The following EXOSC9 variants were observed in gnomAD, a reference collection of about 807,000 sequenced individuals.
The protein encoded by EXOSC9 is exosome complex component RRP45.
In EXOSC9, 38 loss-of-function variants were observed where a neutral mutation model predicts 56.5. That is an observed-to-expected ratio of 0.67 (90% CI 0.52 to 0.88). The LOEUF is 0.88. Among genes scored for constraint, EXOSC9 ranks in the 40% least tolerant of loss-of-function variants. The pLI is 0.00. For synonymous variants in EXOSC9, 170 were observed against 170.8 expected, an observed-to-expected ratio of 0.99 and a Z score of 0.04; for missense variants, 559 against 530.5, an observed-to-expected ratio of 1.05 and a Z score of -0.53.
intron 9 of EXOSC9, among the ~76,000 whole-genome samples, chr4:121,813,582 GAAA>G (rs896746094): frequency 3.9e-5 from 6 of 152,084 alleles, no homozygotes; most frequent in African/African-American, 1.4e-4. Flanking sequence ...AGTTATCCTG[GAAA>G]AAACAGATTT....
Position 121,810,052 on chromosome 4 carries a change from AT to A in EXOSC9, c.694del (p.Cys232ValfsTer9), listed in dbSNP as rs1200155922. 6.2e-7 allele frequency: 1 copy of A among 1,613,522 alleles called. No individual in the cohort carries two copies. The highest frequency in any genetic ancestry group is 8.5e-7 in the Non-Finnish European group (1 of 1,179,420). On this transcript the variant is annotated frameshift_variant, in exon 7 of 12. Coordinates refer to ENST00000243498, the MANE Select transcript of EXOSC9 (RefSeq NM_005033.3). LOFTEE classifies it high-confidence loss of function. ...GATTGCCATGAACAAACATCGAGAG[AT>A]TTGTACTATCCAGTCCAGTGGTGGG... ...LVIAMNKHRE[I>X]CTIQSSGGIM...
chr4:121,814,026 G>T lies in EXOSC9; in HGVS notation c.1135G>T (p.Val379Phe). 6.2e-7 allele frequency: 1 copy of T among 1,612,682 alleles called. No homozygotes were observed. The highest frequency in any genetic ancestry group is 8.5e-7 in the Non-Finnish European group (1 of 1,179,450). ...TATAAAAATGGACACTGGAGTAGAA[G>T]TCTCTGATATTGGAAGCCAAGGTAG... ...DGIKMDTGVE[V>F]SDIGSQDAPI... Residue 379 changes from valine to phenylalanine, a missense_variant, in exon 10 of 12, where the codon GTC (valine) becomes TTC (phenylalanine). Transcript: ENST00000243498.
At chr4:121,811,528 G>A in intron 7 of EXOSC9, 55 bp from the exon 8 acceptor site, 1 of 1,023,906 alleles carries the variant, frequency 9.8e-7, no homozygotes, top group Non-Finnish European at 1.4e-6. Flanking sequence ...AGTTTCATTA[G>A]AGAAAACTAT....
intron 8 of EXOSC9, among the ~76,000 whole-genome samples, chr4:121,812,313 AT>A (rs1172967387): frequency 6.6e-6 from 1 of 152,032 alleles, no homozygotes; most frequent in South Asian, 2.1e-4. Flanking sequence ...CTTTTAATAT[AT>A]TTTTTTTCTT....
chr4:121,815,888 G>A, intron 10 of EXOSC9: 2 of 1,166,646 alleles, frequency 1.7e-6, no homozygotes, highest in South Asian at 8.7e-5. Context: ...GGAAATAAGA[G>A]TTTAAAGAAA....
Position 121,816,509 on chromosome 4 carries a change from C to T in EXOSC9, c.1235+62C>T. On this transcript the variant is annotated intron_variant, in intron 11 of 11. Coordinates refer to ENST00000243498, the MANE Select transcript of EXOSC9 (RefSeq NM_005033.3). ...TACTCAACACTTATAGAGGTTTGCT[C>T]TCTGGTTTTACTCTCATCTTGCCAC... is the stretch of plus-strand genomic sequence containing the variant. 6 of 1,131,292 alleles carry T rather than the reference C, an allele frequency of 5.3e-6. No individual in the cohort carries two copies. In the South Asian group the frequency reaches 9.0e-5, roughly 17 times the overall value. 70.1% of individuals were successfully genotyped at this position (1,131,292 alleles called of 1,614,324 possible). A position where few individuals can be genotyped will look rare whatever the true frequency, so the allele number is the denominator to read the frequency against.
At chr4:121,815,650 A>T in intron 10 of EXOSC9, 2 of 985,484 alleles carry the variant, frequency 2.0e-6, no homozygotes, top group Non-Finnish European at 2.4e-6. Flanking sequence ...GAAAAATGAC[A>T]TGGCATTTTT....
chr4:121,816,218 C>T, intron 10 of EXOSC9, 151 bp from the exon 11 acceptor site: 1 of 625,438 alleles, frequency 1.6e-6, no homozygotes, highest in Non-Finnish European at 2.8e-6. Flanking sequence ...CTCAGCCTAC[C>T]AAAATGTGGG....
intron 1 of EXOSC9, 99 bp downstream of exon 1, chr4:121,801,589 G>A (rs1726866418): frequency 1.8e-6 from 2 of 1,126,826 alleles, no homozygotes; most frequent in African/African-American, 1.5e-5. Context: ...AGCTACTAGG[G>A]GAACGACCGG....
At chr4:121,814,138 A>G in intron 10 of EXOSC9, 91 bp downstream of exon 10, 1 of 775,232 alleles carries the variant, frequency 1.3e-6, no homozygotes, top group Non-Finnish European at 2.1e-6. Flanking sequence ...ATGTGTGTAT[A>G]TTTATATTAT....
chr4:121,813,889 C>T lies in EXOSC9; in HGVS notation c.998C>T (p.Thr333Ile). ...AGTGTTTCTACACCTGTGCTATGGA[C>T]TCCTGGAACTGCCCAAATTGGAGAG... is the stretch of plus-strand genomic sequence containing the variant. ...SEVVSTPVLWTPGTAQIGEGV... is the reference protein window; with the variant it reads ...SEVVSTPVLWIPGTAQIGEGV... Residue 333 changes from threonine to isoleucine, a missense_variant, in exon 10 of 12, where the codon ACT becomes ATT. By Grantham distance (89) the Thr-to-Ile change is moderately conservative (BLOSUM62 -1). Coordinates refer to ENST00000243498, the MANE Select transcript of EXOSC9 (RefSeq NM_005033.3). 6.2e-7 allele frequency: 1 copy of T among 1,612,810 alleles called. No individual in the cohort carries two copies. Among genetic ancestry groups the T allele is most frequent in the South Asian group, 1.1e-5 (1 of 91,020 alleles).
At chr4:121,813,737 A>G in intron 9 of EXOSC9, 129 bp from the exon 10 acceptor site, 1 of 644,754 alleles carries the variant, frequency 1.6e-6, no homozygotes, top group South Asian at 2.4e-5. Flanking sequence ...TAGCTATATT[A>G]AGTTTTTTTT....
In EXOSC9 at chr4:121,801,456, G is replaced by A. The variant is rs1726857500; in HGVS notation, c.32G>A (p.Arg11His). MKETPLSNCE[R>H]RFLLRAIEEK... is the part of the protein sequence containing the mutation. The stretch of plus-strand genomic sequence containing the variant: ...GAAACGCCACTCTCAAACTGCGAAC[G>A]CCGCTTCCTACTCCGTGCCATCGAA... Residue 11 changes from arginine to histidine, a missense_variant, in exon 1 of 12, where the codon CGC becomes CAC. By Grantham distance (29) the Arg-to-His change is conservative. Transcript: ENST00000243498. The A allele has an allele frequency of 6.2e-7, 1 of 1,614,192 alleles. No homozygotes were observed. The highest frequency in any genetic ancestry group is 1.3e-5 in the African/African-American group (1 of 75,066).
intron 5 of EXOSC9, among the ~76,000 whole-genome samples, chr4:121,805,038 A>G (rs1009031345): frequency 6.6e-6 from 1 of 152,224 alleles, no homozygotes; most frequent in Non-Finnish European, 1.5e-5. Context: ...GAAGTGGTTG[A>G]CTTATGTTTA....
chr4:121,806,262 C>T (rs1217986449), intron 5 of EXOSC9, among the ~76,000 whole-genome samples: 3 of 152,042 alleles, frequency 2.0e-5, no homozygotes, highest in African/African-American at 7.2e-5. Flanking sequence ...AAGCGATTCT[C>T]CTGCCTCAGC....
chr4:121,816,240 T>C (rs1024279113), intron 10 of EXOSC9, 129 bp from the exon 11 acceptor site: 8 of 639,288 alleles, frequency 1.3e-5, no homozygotes, highest in Admixed American at 1.0e-4. Flanking sequence ...ATTAAAAGTG[T>C]GAGCCACCAC....
intron 5 of EXOSC9, among the ~76,000 whole-genome samples, chr4:121,804,991 A>C (rs1726978471): frequency 6.6e-6 from 1 of 152,240 alleles, no homozygotes; most frequent in African/African-American, 2.4e-5. Flanking sequence ...GTTTTCCAGA[A>C]TAGAATTAGA....
chr4:121,803,933 T>G (rs1415203946), intron 4 of EXOSC9, among the ~76,000 whole-genome samples: 2 of 152,318 alleles, frequency 1.3e-5, no homozygotes, highest in African/African-American at 4.8e-5. Context: ...ACTTCCTATT[T>G]GCATTACTTG....
intron 5 of EXOSC9, 36 bp downstream of exon 5, chr4:121,804,795 A>G (rs1233103170): frequency 6.6e-7 from 1 of 1,522,114 alleles, no homozygotes; most frequent in South Asian, 1.3e-5. Flanking sequence ...CTTGATATGA[A>G]TGAATGAGGA....
Sources: allele counts gnomAD v4.1 joint callset (sites outside exome capture counted in the v4.1 genomes callset), GRCh38; gene constraint gnomAD v4.1.1; transcripts MANE v1.5; gene names NCBI Gene and HGNC (gene_info 2026-07-23, HGNC 2026-07-21).